SIL1: variants seen among roughly 807,000 people sequenced by gnomAD.
SIL1 encodes nucleotide exchange factor SIL1.
A neutral mutation model predicts 49.1 loss-of-function variants in SIL1; 40 were observed. The observed-to-expected ratio is 0.81, with a 90% CI of 0.63 to 1.06. SIL1 has a LOEUF of 1.06. Ranked by LOEUF, SIL1 falls within the 50% of genes least tolerant of loss-of-function variation. The pLI is 0.00. For synonymous variants in SIL1, 253 were observed against 250.8 expected (o/e 1.01, Z -0.08); for missense variants, 500 against 572.6 (o/e 0.87, Z 1.29).
chr5:139,080,206 A>G (rs1354948545), intron 3 of SIL1, among the ~76,000 whole-genome samples: 1 of 152,226 alleles, frequency 6.6e-6, no homozygotes, highest in Non-Finnish European at 1.5e-5. Context: ...AAACAGTTAA[A>G]TCATTAGGTT....
chr5:139,179,536 TCTTCTCCTTAC>T (rs1481564375), intron 1 of SIL1, among the ~76,000 whole-genome samples: 2 of 152,116 alleles, frequency 1.3e-5, no homozygotes, highest in Admixed American at 6.5e-5. Context: ...AGCAGGAGGA[TCTTCTCCTTAC>T]CCTTCTCTTA....
intron 7 of SIL1, among the ~76,000 whole-genome samples, chr5:138,974,264 C>T (rs888983613): frequency 6.6e-6 from 1 of 152,178 alleles, no homozygotes; most frequent in Non-Finnish European, 1.5e-5. Context: ...GCTCTCCTGC[C>T]TGTGGCTGTT....
Position 138,947,592 on chromosome 5 carries a change from C to A in SIL1, c.1030-119G>T. 1.2e-6 allele frequency: 1 copy of A among 802,732 alleles called. No individual in the cohort carries two copies. Among genetic ancestry groups the A allele is most frequent in the East Asian group, 2.5e-5 (1 of 40,384 alleles). 49.7% of individuals were successfully genotyped at this position (802,732 alleles called of 1,614,324 possible). On this transcript the variant is annotated intron_variant, in intron 9 of 9. Transcript: ENST00000394817. The surrounding 1 kb of genome is among the most constrained non-coding windows in gnomAD (Gnocchi z 4.1). The stretch of plus-strand genomic sequence containing the variant: ...CAGACAGGAAGGCACGAGGCTGACC[C>A]CTGAGGGCCCACCTCTTCCTCTATC...
At chr5:138,964,715 T>C (rs1187071305) in intron 7 of SIL1, among the ~76,000 whole-genome samples, 3 of 152,212 alleles carry the variant, frequency 2.0e-5, no homozygotes, top group African/African-American at 7.2e-5. Context: ...CTCTATGGCT[T>C]GAATAGCAAG....
At chr5:139,009,504 TATG>T (rs1416989007) in intron 7 of SIL1, among the ~76,000 whole-genome samples, 1 of 113,948 alleles carries the variant, frequency 8.8e-6, no homozygotes, top group Non-Finnish European at 1.8e-5. Context: ...ATCCTGTCAT[TATG>T]ATGTTAGCTG....
At chr5:139,158,740 T>G (rs901875178) in intron 1 of SIL1, among the ~76,000 whole-genome samples, 5 of 152,314 alleles carry the variant, frequency 3.3e-5, no homozygotes, top group African/African-American at 1.2e-4. Context: ...AATAATTTTT[T>G]AAAAAAAGAA....
chr5:138,956,963 G>A lies in SIL1; in HGVS notation c.768-5079C>T, dbSNP rs183287565. Among the ~76,000 whole-genome samples the A allele has an allele frequency of 9.9e-5, 15 of 152,136 alleles. No individual in the cohort carries two copies. The East Asian group carries it at 2.9e-3, about 29-fold the overall frequency. ...CATCTGGACACTGGGGAAAGGCAGGGCTATCATCTGACCCCTTCATGTACA... is the reference window on the plus strand; with the variant it reads ...CATCTGGACACTGGGGAAAGGCAGGACTATCATCTGACCCCTTCATGTACA... On this transcript the variant is annotated intron_variant, in intron 7 of 9. Transcript: ENST00000394817.
At chr5:139,053,535 T>C (rs1005478474) in intron 3 of SIL1, among the ~76,000 whole-genome samples, 2 of 152,232 alleles carry the variant, frequency 1.3e-5, no homozygotes, top group African/African-American at 4.8e-5. Flanking sequence ...CTTCCTACTA[T>C]TCTGAGGATA....
At chr5:139,183,432 A>G (rs1231577445) in intron 1 of SIL1, among the ~76,000 whole-genome samples, 4 of 152,114 alleles carry the variant, frequency 2.6e-5, no homozygotes, top group Non-Finnish European at 5.9e-5. Flanking sequence ...GAGACCTTCC[A>G]CACCCATGAT....
intron 7 of SIL1, among the ~76,000 whole-genome samples, chr5:138,984,638 C>T (rs1468417130): frequency 2.6e-5 from 4 of 152,114 alleles, no homozygotes; most frequent in Non-Finnish European, 4.4e-5. Context: ...GGATTACAGG[C>T]ATGAGCCACT....
chr5:139,011,738 T>C (rs1025454657), intron 7 of SIL1, among the ~76,000 whole-genome samples: 1 of 152,174 alleles, frequency 6.6e-6, no homozygotes, highest in East Asian at 1.9e-4. Flanking sequence ...CTCATGATCA[T>C]AGGAAGATTT....
intron 1 of SIL1, among the ~76,000 whole-genome samples, chr5:139,152,649 A>G (rs368842592): frequency 1.3e-5 from 2 of 151,964 alleles, no homozygotes. Context: ...AGAAAAAAAA[A>G]AAGAATGTAG....
intron 3 of SIL1, among the ~76,000 whole-genome samples, chr5:139,090,546 T>C (rs1770320792): frequency 6.6e-6 from 1 of 152,132 alleles, no homozygotes; most frequent in Non-Finnish European, 1.5e-5. Context: ...AAAAGAACAT[T>C]CAAAAACAGA....
At chr5:139,158,490 C>G (rs1029983121) in intron 1 of SIL1, among the ~76,000 whole-genome samples, 1 of 152,182 alleles carries the variant, frequency 6.6e-6, no homozygotes, top group South Asian at 2.1e-4. Context: ...AAGCTTACCC[C>G]TTCCCCAGAT....
At chr5:139,057,275 C>T (rs1427477501) in intron 3 of SIL1, among the ~76,000 whole-genome samples, 1 of 136,056 alleles carries the variant, frequency 7.3e-6, no homozygotes, top group Admixed American at 7.6e-5. Context: ...TATGACCCAG[C>T]CAAATCCCCC....
intron 3 of SIL1, among the ~76,000 whole-genome samples, chr5:139,111,644 T>C (rs1770840765): frequency 6.6e-6 from 1 of 152,318 alleles, no homozygotes; most frequent in East Asian, 1.9e-4. Context: ...AAATGGAATA[T>C]GAAATGAACA....
At chr5:139,153,024 G>C (rs1751337217) in intron 1 of SIL1, among the ~76,000 whole-genome samples, 1 of 151,334 alleles carries the variant, frequency 6.6e-6, no homozygotes, top group African/African-American at 2.4e-5. Context: ...CTCCATGTTG[G>C]TCAGGCTGGT....
intron 3 of SIL1, among the ~76,000 whole-genome samples, chr5:139,075,489 T>G (rs1769928834): frequency 1.3e-5 from 2 of 152,148 alleles, no homozygotes; most frequent in Non-Finnish European, 2.9e-5. Flanking sequence ...CTACTCCTAC[T>G]AACTATGCAA....
At chr5:139,055,607 C>A (rs113654822) in intron 3 of SIL1, among the ~76,000 whole-genome samples, 2 of 110,062 alleles carry the variant, frequency 1.8e-5, no homozygotes, top group Non-Finnish European at 3.4e-5. Flanking sequence ...TCTCCCTCTC[C>A]CTCTCCCTCT....
Sources: allele counts gnomAD v4.1 joint callset (sites outside exome capture counted in the v4.1 genomes callset), GRCh38; gene constraint gnomAD v4.1.1; non-coding constraint Gnocchi (gnomAD v3.1); transcripts MANE v1.5; gene names NCBI Gene and HGNC (gene_info 2026-07-23, HGNC 2026-07-21).